TAF12: variants seen among roughly 807,000 people sequenced by gnomAD.
TAF12 encodes TATA-box binding protein associated factor 12.
Under a neutral mutation model 20.8 loss-of-function variants are expected in TAF12, and 3 were observed. The ratio of observed to expected loss-of-function variants is 0.14; its 90% CI spans 0.07 to 0.37. The LOEUF is 0.37. TAF12 is among the 10% of genes least tolerant of loss of function. TAF12 has a pLI of 1.00. For synonymous variants in TAF12, 69 were observed against 70.2 expected, an observed-to-expected ratio of 0.98 and a Z score of 0.09; for missense variants, 131 against 197.9, an observed-to-expected ratio of 0.66 and a Z score of 2.03.
intron 1 of TAF12, among the ~76,000 whole-genome samples, chr1:28,634,231 T>C (rs772909567): frequency 6.8e-6 from 1 of 147,950 alleles, no homozygotes; most frequent in Non-Finnish European, 1.5e-5. Context: ...CTGACCAACA[T>C]GGTGAAACTC....
upstream of TAF12, among the ~76,000 whole-genome samples, chr1:28,646,894 T>C (rs1668204181): frequency 1.3e-5 from 2 of 152,188 alleles, no homozygotes; most frequent in South Asian, 4.1e-4. Flanking sequence ...GAGACGGGGT[T>C]TCACCGTGTT....
rs1666575448 is a variant in TAF12 at position 28,603,680 on chromosome 1, C to T, written c.451-106G>A. The T allele has an allele frequency of 9.5e-6, 11 of 1,161,852 alleles. No homozygotes were observed. The East Asian group carries it at 2.4e-4, about 25-fold the overall frequency. The allele number at this position is 1,161,852 out of a possible 1,614,324, so 72.0% of individuals were successfully genotyped here. On this transcript the variant is annotated intron_variant, in intron 5 of 5. Transcript: ENST00000373824. ...GCCTCATGGTCTACACTGTAGGCCG[C>T]AGCCCTCAGAGACCTGCAGTCACAA...
rs138962568 is a variant in TAF12 at position 28,622,041 on chromosome 1, T to C, written c.41A>G (p.Asn14Ser). The change falls in exon 2 of 6, where the codon AAT (asparagine) becomes AGT (serine). Residue 14 changes from asparagine to serine, a missense_variant. Physicochemically the swap from Asn to Ser is conservative, Grantham distance 46. This residue lies in a region of TAF12 where 63 missense variants were observed against 72.1 expected (regional missense o/e 0.87). Transcript: ENST00000373824. ...TGGTTCCGGTTTTATGGATGAGAAATTGGAGAGGTTGATTAGGGCTGAGGG... is the reference window on the plus strand; with the variant it reads ...TGGTTCCGGTTTTATGGATGAGAAACTGGAGAGGTTGATTAGGGCTGAGGG... ...FGPSALINLS[N>S]FSSIKPEPAS... 4.8e-5 allele frequency: 77 copies of C among 1,613,632 alleles called. No homozygotes were observed. The highest frequency in any genetic ancestry group is 6.3e-5 in the Non-Finnish European group (74 of 1,179,970).
intron 2 of TAF12, among the ~76,000 whole-genome samples, chr1:28,621,428 G>A (rs1667217533): frequency 6.6e-6 from 1 of 152,142 alleles, no homozygotes; most frequent in Non-Finnish European, 1.5e-5. Flanking sequence ...GGAATGACTA[G>A]AAGCAAGAGT....
Position 28,643,057 on chromosome 1 carries a change from C to G in TAF12, c.-150G>C. 1.0e-6 allele frequency: 1 copy of G among 985,918 alleles called. No homozygotes were observed. Among genetic ancestry groups the G allele is most frequent in the Non-Finnish European group, 1.2e-6 (1 of 829,954 alleles). 61.1% of individuals were successfully genotyped at this position (985,918 alleles called of 1,614,324 possible). A position where few individuals can be genotyped will look rare whatever the true frequency, so the allele number is the denominator to read the frequency against. ...CCCAGTGAAGCGTTCGTCTCAGCAGCCGGTCCGACTGCGCGGCCCTCCCCG... is the reference window on the plus strand; with the variant it reads ...CCCAGTGAAGCGTTCGTCTCAGCAGGCGGTCCGACTGCGCGGCCCTCCCCG... On this transcript the variant is annotated 5_prime_UTR_variant, in exon 1 of 6. Transcript: ENST00000373824.
chr1:28,641,836 T>C (rs1414189783), intron 1 of TAF12, among the ~76,000 whole-genome samples: 1 of 147,876 alleles, frequency 6.8e-6, no homozygotes, highest in Non-Finnish European at 1.5e-5. Context: ...AGTTTGAAGA[T>C]AAAGCAAAGA....
chr1:28,636,661 C>A (rs1008654884), intron 1 of TAF12, among the ~76,000 whole-genome samples: 1 of 151,314 alleles, frequency 6.6e-6, no homozygotes, highest in Admixed American at 6.6e-5. Context: ...ATTTGCCAGG[C>A]GTGGTGGCAT....
At chr1:28,618,188 C>T (rs1667102207) in intron 2 of TAF12, among the ~76,000 whole-genome samples, 158 bp from the exon 3 acceptor site, 1 of 152,156 alleles carries the variant, frequency 6.6e-6, no homozygotes, top group African/African-American at 2.4e-5. Context: ...TGTAAGACTA[C>T]ACTCTCAAGA....
chr1:28,607,764 C>T (rs1035817757), intron 4 of TAF12, among the ~76,000 whole-genome samples: 1 of 151,998 alleles, frequency 6.6e-6, no homozygotes, highest in African/African-American at 2.4e-5. Context: ...CACTTGAGCC[C>T]AGGAGGTAGA....
At chr1:28,604,153 G>T (rs1434021142) in intron 5 of TAF12, among the ~76,000 whole-genome samples, 2 of 151,998 alleles carry the variant, frequency 1.3e-5, no homozygotes, top group African/African-American at 4.8e-5. Flanking sequence ...GATCCACCAG[G>T]CTCGGCCTCC....
intron 5 of TAF12, 158 bp downstream of exon 5, chr1:28,605,214 C>A (rs548863994): frequency 6.1e-6 from 4 of 659,622 alleles, no homozygotes; most frequent in Non-Finnish European, 7.9e-6. Flanking sequence ...TCCCGGAGAC[C>A]GCTGCTGCCT....
intron 1 of TAF12, among the ~76,000 whole-genome samples, chr1:28,641,512 A>AG (rs916159887): frequency 4.6e-5 from 7 of 151,938 alleles, no homozygotes; most frequent in Admixed American, 1.3e-4. Context: ...AAAAACTGCA[A>AG]GGGGGGTGAG....
chr1:28,631,968 A>G (rs546670212), intron 1 of TAF12, among the ~76,000 whole-genome samples: 1 of 152,292 alleles, frequency 6.6e-6, no homozygotes, highest in South Asian at 2.1e-4. Flanking sequence ...TGACTCAGCA[A>G]TCCCACTCCT....
chr1:28,623,071 G>A (rs1404211134), intron 1 of TAF12, among the ~76,000 whole-genome samples: 2 of 151,798 alleles, frequency 1.3e-5, no homozygotes, highest in African/African-American at 4.8e-5. Context: ...ACACTTAGCT[G>A]GACATGGTAG....
At chr1:28,614,165 G>C (rs188203800) in intron 3 of TAF12, among the ~76,000 whole-genome samples, 186 of 152,288 alleles carry the variant, frequency 1.2e-3, no homozygotes, top group Middle Eastern at 6.8e-3. Flanking sequence ...CTGAACCTGG[G>C]AGGCGGAGGT....
At chr1:28,631,403 T>C (rs1015360356) in intron 1 of TAF12, among the ~76,000 whole-genome samples, 34 of 151,994 alleles carry the variant, frequency 2.2e-4, no homozygotes, top group South Asian at 2.1e-4. Flanking sequence ...CACACACCTA[T>C]AGTCCTAGCT....
intron 4 of TAF12, among the ~76,000 whole-genome samples, chr1:28,610,583 G>C (rs1214898577): frequency 6.6e-6 from 1 of 152,114 alleles, no homozygotes; most frequent in Non-Finnish European, 1.5e-5. Context: ...CCAAAATGCT[G>C]GAGTTACAGG....
At chr1:28,626,723 C>A (rs1330118803) in intron 1 of TAF12, among the ~76,000 whole-genome samples, 2 of 148,146 alleles carry the variant, frequency 1.4e-5, no homozygotes, top group East Asian at 2.1e-4. Context: ...GGCCTGGCCA[C>A]CATGGTGAAA....
intron 5 of TAF12, among the ~76,000 whole-genome samples, chr1:28,604,677 G>A (rs1284518586): frequency 6.6e-6 from 1 of 152,152 alleles, no homozygotes; most frequent in African/African-American, 2.4e-5. Flanking sequence ...AGGCTATGGC[G>A]AAGCAGGGGC....
Sources: allele counts gnomAD v4.1 joint callset (sites outside exome capture counted in the v4.1 genomes callset), GRCh38; gene constraint gnomAD v4.1.1; regional missense constraint gnomAD v4.1.1; transcripts MANE v1.5; gene names NCBI Gene and HGNC (gene_info 2026-07-23, HGNC 2026-07-21).